The following TANGO6 variants were observed in gnomAD, a reference collection of about 807,000 sequenced individuals.
TANGO6 encodes transport and golgi organization 6 homolog, also known as transport and Golgi organization protein 6 homolog.
Under a neutral mutation model 114.2 loss-of-function variants are expected in TANGO6, and 90 were observed. That is an observed-to-expected ratio of 0.79 (90% CI 0.66 to 0.94). The LOEUF (loss-of-function observed/expected upper bound fraction) is 0.94. Among genes scored for constraint, TANGO6 ranks in the 40% least tolerant of loss-of-function variants. The probability of loss-of-function intolerance (pLI) is 0.00; values close to 1 mark genes in which losing one functional copy is unlikely to be tolerated. For synonymous variants in TANGO6, 477 were observed against 509.8 expected, an observed-to-expected ratio of 0.94 and a Z score of 0.87; for missense variants, 1,274 against 1,315.3, an observed-to-expected ratio of 0.97 and a Z score of 0.49.
intron 14 of TANGO6, among the ~76,000 whole-genome samples, chr16:68,942,674 GAT>G (rs1236217649): frequency 2.0e-5 from 3 of 152,090 alleles, no homozygotes; most frequent in Non-Finnish European, 4.4e-5. Context: ...AGGCCATTAA[GAT>G]AAACACTTTC....
At chr16:68,949,407 G>A (rs1424707531) in intron 14 of TANGO6, among the ~76,000 whole-genome samples, 3 of 152,018 alleles carry the variant, frequency 2.0e-5, no homozygotes, top group Non-Finnish European at 4.4e-5. Flanking sequence ...GATCACTAGA[G>A]GTCAGGAGTT....
chr16:68,977,468 C>T (rs1221128880), intron 15 of TANGO6, among the ~76,000 whole-genome samples: 3 of 150,744 alleles, frequency 2.0e-5, no homozygotes, highest in Non-Finnish European at 4.4e-5. Flanking sequence ...CCAAGGCGGG[C>T]GGATCATGAG....
chr16:69,055,717 C>T (rs531775678), intron 17 of TANGO6, among the ~76,000 whole-genome samples: 2 of 152,300 alleles, frequency 1.3e-5, no homozygotes, highest in East Asian at 3.9e-4. Flanking sequence ...GCCAAATCCA[C>T]GTGATGTTAG....
intron 15 of TANGO6, among the ~76,000 whole-genome samples, chr16:69,001,648 A>C (rs932794255): frequency 2.6e-5 from 4 of 152,152 alleles, no homozygotes; most frequent in African/African-American, 9.7e-5. Context: ...ACAGATCCCC[A>C]AAAATCAAGG....
At chr16:69,078,328 A>G (rs924735567) in intron 17 of TANGO6, among the ~76,000 whole-genome samples, 2 of 152,216 alleles carry the variant, frequency 1.3e-5, no homozygotes, top group East Asian at 3.8e-4. Flanking sequence ...GATCAGGAAT[A>G]TCGAAAGATG....
chr16:69,059,110 T>C (rs1960077974), intron 17 of TANGO6, among the ~76,000 whole-genome samples: 2 of 151,448 alleles, frequency 1.3e-5, no homozygotes, highest in Admixed American at 1.3e-4. Context: ...AGTCTTGCTC[T>C]GTTGCCCAGG....
chr16:68,922,293 T>G (rs1198036388), intron 12 of TANGO6, among the ~76,000 whole-genome samples: 1 of 150,374 alleles, frequency 6.7e-6, no homozygotes, highest in Non-Finnish European at 1.5e-5. Context: ...ATCCTAGGAC[T>G]TCGGGAGGCC....
chr16:68,992,717 C>T (rs958886632), intron 15 of TANGO6, among the ~76,000 whole-genome samples: 7 of 152,096 alleles, frequency 4.6e-5, no homozygotes, highest in African/African-American at 1.7e-4. Context: ...CTCATCTTTC[C>T]AAGTCATTCT....
At chr16:69,023,082 C>A in intron 16 of TANGO6, 103 bp downstream of exon 16, 2 of 1,222,848 alleles carry the variant, frequency 1.6e-6, no homozygotes, top group Non-Finnish European at 2.2e-6. Context: ...TGCAGATCTG[C>A]CACTGCCTCC....
chr16:68,938,926 G>A (rs1963323533), intron 14 of TANGO6, among the ~76,000 whole-genome samples: 1 of 151,718 alleles, frequency 6.6e-6, no homozygotes, highest in Non-Finnish European at 1.5e-5. Flanking sequence ...AACAAAGCCG[G>A]CCAGTCATGG....
intron 8 of TANGO6, 34 bp from the exon 9 acceptor site, chr16:68,902,294 T>C (rs762661454): frequency 3.2e-6 from 5 of 1,586,098 alleles, no homozygotes; most frequent in Non-Finnish European, 3.4e-6. Context: ...TGGAGTAAGA[T>C]GACAAGCTCA....
intron 12 of TANGO6, among the ~76,000 whole-genome samples, chr16:68,922,252 A>G (rs1241912162): frequency 6.6e-6 from 1 of 152,034 alleles, no homozygotes; most frequent in Non-Finnish European, 1.5e-5. Flanking sequence ...TAAAAAAAAA[A>G]AAAGGCCGGG....
At chr16:68,876,137 AT>A (rs1962354217) in intron 5 of TANGO6, among the ~76,000 whole-genome samples, 1 of 151,966 alleles carries the variant, frequency 6.6e-6, no homozygotes, top group East Asian at 1.9e-4. Context: ...ACATTAACAT[AT>A]ACACATGATG....
chr16:68,917,674 G>A (rs993044056), intron 11 of TANGO6, among the ~76,000 whole-genome samples: 5 of 152,128 alleles, frequency 3.3e-5, no homozygotes, highest in African/African-American at 1.2e-4. Flanking sequence ...AGGATGTGGA[G>A]CATCTTTTCA....
rs910370537 is a variant in TANGO6, at chr16:69,077,552, T to C, written c.3109-5933T>C. On this transcript the variant is annotated intron_variant, in intron 17 of 17. Transcript: ENST00000261778. ...TTGAAAAAGGCAAGGCTGCCAGGCATGGTGGCTCACGCCTGTAATCCCACC... is the reference window on the plus strand; with the variant it reads ...TTGAAAAAGGCAAGGCTGCCAGGCACGGTGGCTCACGCCTGTAATCCCACC... 5.9e-5 allele frequency among the ~76,000 whole-genome samples: 9 copies of C among 152,204 alleles called. No homozygotes were observed. The Middle Eastern group carries it at 0.01, about 173-fold the overall frequency.
At chr16:68,924,256 A>C (rs1322189226) in intron 12 of TANGO6, among the ~76,000 whole-genome samples, 1 of 152,234 alleles carries the variant, frequency 6.6e-6, no homozygotes, top group African/African-American at 2.4e-5. Context: ...ATTTATACAC[A>C]TCGTTAAAGA....
chr16:68,866,975 CTT>C (rs536677611), intron 3 of TANGO6, 102 bp from the exon 4 acceptor site: 4,619 of 226,610 alleles, frequency 0.02, 2 homozygotes, highest in Middle Eastern at 0.038. Flanking sequence ...GCTATTTCTC[CTT>C]TTTTTTTTTT....
chr16:68,940,917 C>T (rs1258510665), intron 14 of TANGO6, among the ~76,000 whole-genome samples: 3 of 152,064 alleles, frequency 2.0e-5, no homozygotes, highest in Admixed American at 6.6e-5. Flanking sequence ...AACAGTCTTG[C>T]GGCTGGGAAG....
intron 5 of TANGO6, 26 bp from the exon 6 acceptor site, chr16:68,878,092 A>G (rs1445294517): frequency 2.5e-6 from 4 of 1,592,410 alleles, no homozygotes; most frequent in Non-Finnish European, 3.4e-6. Context: ...AAAAACTGGT[A>G]TTTACTTCTT....
Sources: gnomAD v4.1 joint callset for allele counts (sites outside exome capture counted in the v4.1 genomes callset) on GRCh38, gnomAD v4.1.1 for gene constraint, MANE v1.5 for transcripts, NCBI Gene and HGNC (gene_info 2026-07-23, HGNC 2026-07-21) for gene names.